CA2: variants seen among roughly 807,000 people sequenced by gnomAD.
CA2 encodes carbonate dehydratase II.
CA2 carries 23 observed loss-of-function variants against 27.8 expected under a neutral mutation model. The ratio of observed to expected loss-of-function variants is 0.83; its 90% CI spans 0.59 to 1.17. The LOEUF is 1.17. CA2 is among the 50% of genes most tolerant of loss of function. The pLI, the probability that CA2 is intolerant of heterozygous loss-of-function variation, is 0.00. For missense variants in CA2, 300 were observed against 314.7 expected, an observed-to-expected ratio of 0.95 and a Z score of 0.35; for synonymous variants, 99 against 114.9, an observed-to-expected ratio of 0.86 and a Z score of 0.88.
In CA2 at chr8:85,465,256, GTCT is replaced by G; in HGVS notation, c.35-11_35-9del. 6.2e-7 allele frequency: 1 copy of G among 1,606,414 alleles called. No individual in the cohort carries two copies. Among genetic ancestry groups the G allele is most frequent in the South Asian group, 1.1e-5 (1 of 90,902 alleles). ...TTTCCCCACAATGGGGGATTCACAT[GTCT>G]TCTTTCCCCCAGGACCTGAGCACTG... On this transcript the variant is annotated splice_polypyrimidine_tract_variant and intron_variant, in intron 1 of 6. Coordinates refer to ENST00000285379, the MANE Select transcript of CA2 (RefSeq NM_000067.3).
intron 2 of CA2, among the ~76,000 whole-genome samples, chr8:85,473,026 A>AAATG (rs1811733175): frequency 1.4e-5 from 2 of 143,424 alleles, no homozygotes; most frequent in African/African-American, 4.9e-5. Flanking sequence ...ATAAATAAAT[A>AAATG]AATAAATAAA....
intron 2 of CA2, chr8:85,473,244 G>A (rs999834528): frequency 8.9e-6 from 3 of 338,776 alleles, no homozygotes; most frequent in Non-Finnish European, 1.2e-5. Flanking sequence ...GTGGAAGAGA[G>A]GGTCTCACGT....
intron 2 of CA2, among the ~76,000 whole-genome samples, chr8:85,468,533 C>A (rs565528226): frequency 6.6e-6 from 1 of 152,130 alleles, no homozygotes; most frequent in African/African-American, 2.4e-5. Context: ...CTGAGGTGGG[C>A]GGATCACTTG....
In CA2 at chr8:85,480,587, A is replaced by T; in HGVS notation, c.664-83A>T. Reference sequence around the variant, plus strand: ...CATGAGCCACTGCGCCTGGCCGGGGAATGTATTTAAAGATATAACACAAGT... The same window carrying T: ...CATGAGCCACTGCGCCTGGCCGGGGTATGTATTTAAAGATATAACACAAGT... On this transcript the variant is annotated intron_variant, in intron 6 of 6. Coordinates refer to ENST00000285379, the MANE Select transcript of CA2 (RefSeq NM_000067.3). 5.7e-6 allele frequency: 8 copies of T among 1,401,942 alleles called. No homozygotes were observed. In the East Asian group the frequency reaches 1.7e-4, roughly 29 times the overall value. 86.8% of individuals were successfully genotyped at this position (1,401,942 alleles called of 1,614,324 possible).
At chr8:85,473,924 T>A in intron 3 of CA2, 113 bp downstream of exon 3, 1 of 753,184 alleles carries the variant, frequency 1.3e-6, no homozygotes, top group Non-Finnish European at 2.4e-6. Context: ...GAACCACTTC[T>A]TTTACAAAGG....
rs552716683 is a variant in CA2 at position 85,475,184 on chromosome 8, T to A, written c.445-614T>A. Among the ~76,000 whole-genome samples the A allele has an allele frequency of 2.6e-5, 4 of 150,952 alleles. No individual in the cohort carries two copies. The East Asian group carries it at 7.8e-4, about 29-fold the overall frequency. On this transcript the variant is annotated intron_variant, in intron 4 of 6. Coordinates refer to ENST00000285379, the MANE Select transcript of CA2 (RefSeq NM_000067.3). ...AATTAGCTGGGCATAAAAAACAAACTAACAAACAAAAAAACAAAACAAAAA... is the reference window on the plus strand; with the variant it reads ...AATTAGCTGGGCATAAAAAACAAACAAACAAACAAAAAAACAAAACAAAAA...
chr8:85,480,715 G>A lies in CA2; in HGVS notation c.709G>A (p.Glu237Lys), dbSNP rs143666045. 8.9e-5 allele frequency: 144 copies of A among 1,613,848 alleles called. No homozygotes were observed. The highest frequency in any genetic ancestry group is 3.7e-4 in the Admixed American group (22 of 59,980). The change falls in exon 7 of 7, where the codon GAA becomes AAA. Residue 237 changes from glutamate to lysine, a missense_variant. Physicochemically the swap from Glu to Lys is moderately conservative, Grantham distance 56. Transcript: ENST00000285379. ...KLNFNGEGEPEELMVDNWRPA... is the reference protein window; with the variant it reads ...KLNFNGEGEPKELMVDNWRPA... ...TAACTTCAATGGGGAGGGTGAACCC[G>A]AAGAACTGATGGTGGACAACTGGCG...
intron 6 of CA2, among the ~76,000 whole-genome samples, chr8:85,479,173 T>C (rs562986392): frequency 1.3e-5 from 2 of 152,322 alleles, no homozygotes; most frequent in South Asian, 4.1e-4. Flanking sequence ...ACCTTTATTT[T>C]CTATACCCAG....
chr8:85,477,069 T>C, intron 5 of CA2, 51 bp from the exon 6 acceptor site: 3 of 1,596,994 alleles, frequency 1.9e-6, no homozygotes, highest in African/African-American at 1.3e-5. Context: ...CCTACCTTCC[T>C]CCTACTCTGT....
In CA2 at chr8:85,479,070, G is replaced by T. The variant is rs557921912; in HGVS notation, c.664-1600G>T. 2.6e-5 allele frequency among the ~76,000 whole-genome samples: 4 copies of T among 152,246 alleles called. No individual in the cohort carries two copies. The South Asian group carries it at 6.2e-4, about 24-fold the overall frequency. ...AGACCTGCAGGTTTACCCCACTGAG[G>T]CTTACAGGGAGAGGGCGGATGTCTG... On this transcript the variant is annotated intron_variant, in intron 6 of 6. Coordinates refer to ENST00000285379, the MANE Select transcript of CA2 (RefSeq NM_000067.3).
Position 85,481,097 on chromosome 8 carries a change from A to G in CA2, c.*308A>G, listed in dbSNP as rs1811884767. 3.0e-6 allele frequency: 1 copy of G among 328,306 alleles called. No individual in the cohort carries two copies. Among genetic ancestry groups the G allele is most frequent in the Non-Finnish European group, 5.8e-6 (1 of 171,760 alleles). The allele number at this position is 328,306 out of a possible 1,614,324, so 20.3% of individuals were successfully genotyped here. On this transcript the variant is annotated 3_prime_UTR_variant, in exon 7 of 7. Transcript: ENST00000285379. ...AGCATGTAGGGTGATGAGCACTCAC[A>G]ATTGTTGACTAAAATGCTGCTTTTA...
chr8:85,465,152 G>A (rs1811607148), intron 1 of CA2, 120 bp from the exon 2 acceptor site: 1 of 770,856 alleles, frequency 1.3e-6, no homozygotes, highest in South Asian at 1.6e-5. Flanking sequence ...TTAGCCCATT[G>A]TTAAGTGATG....
intron 2 of CA2, among the ~76,000 whole-genome samples, chr8:85,471,123 C>T (rs956246906): frequency 2.0e-5 from 3 of 152,088 alleles, no homozygotes; most frequent in Admixed American, 6.5e-5. Context: ...TTATGTTTCT[C>T]AAATAAAAAG....
At chr8:85,466,679 T>TAC (rs33928115) in intron 2 of CA2, among the ~76,000 whole-genome samples, 27,883 of 148,906 alleles carry the variant, frequency 0.19, 3,202 homozygotes, top group East Asian at 0.47. Flanking sequence ...CATACATACA[T>TAC]ACACACACAC....
At position 85,464,036 on chromosome 8, in the gene CA2, C is replaced by G; in HGVS notation, c.-46C>G. 6.5e-7 allele frequency: 1 copy of G among 1,538,262 alleles called. No homozygotes were observed. The highest frequency in any genetic ancestry group is 2.5e-5 in the East Asian group (1 of 40,750). ...AGTGCAGGCGCCCAAGCCGCCGCCG[C>G]CAGATCGGTGCCGATTCCTGCCCTG... On this transcript the variant is annotated 5_prime_UTR_variant, in exon 1 of 7. Coordinates refer to ENST00000285379, the MANE Select transcript of CA2 (RefSeq NM_000067.3).
Position 85,464,012 on chromosome 8 carries a change from G to C in CA2, c.-70G>C, listed in dbSNP as rs1811573107. On this transcript the variant is annotated 5_prime_UTR_variant, in exon 1 of 7. Transcript: ENST00000285379. ...TGCCGGCGCGACCCGCGGACACACA[G>C]TGCAGGCGCCCAAGCCGCCGCCGCC... 1.1e-5 allele frequency: 16 copies of C among 1,488,474 alleles called. No individual in the cohort carries two copies. The highest frequency in any genetic ancestry group is 1.5e-5 in the Non-Finnish European group (16 of 1,101,562). 92.2% of individuals were successfully genotyped at this position (1,488,474 alleles called of 1,614,324 possible).
chr8:85,464,353 C>T, intron 1 of CA2: 1 of 444,216 alleles, frequency 2.3e-6, no homozygotes, highest in Admixed American at 4.5e-5. Context: ...TCCCCGCGTC[C>T]GCCGGAGGCG....
intron 2 of CA2, among the ~76,000 whole-genome samples, chr8:85,467,380 C>G (rs925580574): frequency 2.0e-5 from 3 of 152,094 alleles, no homozygotes; most frequent in Non-Finnish European, 4.4e-5. Context: ...GTTGGAGTAA[C>G]AATAGTGTCT....
Position 85,480,808 on chromosome 8 carries a change from A to C in CA2, c.*19A>C. The C allele has an allele frequency of 6.2e-7, 1 of 1,613,154 alleles. No homozygotes were observed. Among genetic ancestry groups the C allele is most frequent in the Non-Finnish European group, 8.5e-7 (1 of 1,179,344 alleles). On this transcript the variant is annotated 3_prime_UTR_variant, in exon 7 of 7. Transcript: ENST00000285379. ...CAAATAAGATGGTCCCATAGTCTGT[A>C]TCCAAATAATGAATCTTCGGGTGTT...
Sources: allele counts gnomAD v4.1 joint callset (sites outside exome capture counted in the v4.1 genomes callset), GRCh38; gene constraint gnomAD v4.1.1; transcripts MANE v1.5; gene names NCBI Gene and HGNC (gene_info 2026-07-23, HGNC 2026-07-21).